The following ABCA13 variants were observed in gnomAD, a reference collection of about 807,000 sequenced individuals.
ABCA13 encodes ATP-binding cassette sub-family A member 13.
ABCA13 carries 476 observed loss-of-function variants against 478.7 expected under a neutral mutation model. The ratio of observed to expected loss-of-function variants is 0.99; its 90% CI spans 0.92 to 1.07. ABCA13 has a LOEUF of 1.07. ABCA13 is among the 50% of genes least tolerant of loss of function. The pLI is 0.00. For missense variants in ABCA13, 6,060 were observed against 5,910.6 expected (o/e 1.03, Z -0.83); for synonymous variants, 2,252 against 2,158.9 (o/e 1.04, Z -1.20).
At chr7:48,295,620 C>T (rs1799245489) in intron 20 of ABCA13, 80 bp from the exon 21 acceptor site, 1 of 1,548,976 alleles carries the variant, frequency 6.5e-7, no homozygotes, top group Non-Finnish European at 8.9e-7. Context: ...CTCTGTGTTT[C>T]CTGAGACTAA....
intron 42 of ABCA13, among the ~76,000 whole-genome samples, chr7:48,450,617 T>C (rs1824875101): frequency 6.6e-6 from 1 of 152,242 alleles, no homozygotes; most frequent in Admixed American, 6.5e-5. Flanking sequence ...ATTCTATATG[T>C]ATTACTTTGC....
intron 50 of ABCA13, among the ~76,000 whole-genome samples, chr7:48,510,330 T>C (rs1328617439): frequency 6.6e-6 from 1 of 151,976 alleles, no homozygotes; most frequent in African/African-American, 2.4e-5. Context: ...CAGGAAGAGG[T>C]CTGCAGCTTG....
rs147261589 is a variant in ABCA13, at chr7:48,530,179, A to C, written c.14354+1834A>C. On this transcript the variant is annotated intron_variant, in intron 55 of 61. Coordinates refer to ENST00000435803, the MANE Select transcript of ABCA13 (RefSeq NM_152701.5). ...CTTAACTTACAATTATAGTGAGAACATAAGAATGCTTGGTTTTTCATTCCT... is the reference window on the plus strand; with the variant it reads ...CTTAACTTACAATTATAGTGAGAACCTAAGAATGCTTGGTTTTTCATTCCT... Among the ~76,000 whole-genome samples, 399 of 152,234 alleles carry C rather than the reference A, an allele frequency of 2.6e-3. 3 individuals carry two copies. Among genetic ancestry groups the C allele is most frequent in the African/African-American group, 9.3e-3 (387 of 41,558 alleles).
chr7:48,333,150 G>A (rs557492768), intron 27 of ABCA13, among the ~76,000 whole-genome samples: 2 of 152,152 alleles, frequency 1.3e-5, no homozygotes, highest in Admixed American at 1.3e-4. Context: ...CTTTCTCCCT[G>A]TTGCACAGAT....
chr7:48,605,133 A>C (rs761314627), intron 58 of ABCA13, among the ~76,000 whole-genome samples: 3 of 152,132 alleles, frequency 2.0e-5, no homozygotes, highest in African/African-American at 7.2e-5. Flanking sequence ...TTTGTACATG[A>C]GATGGGTCTC....
At chr7:48,208,306 T>C (rs1290783704) in intron 3 of ABCA13, among the ~76,000 whole-genome samples, 1 of 152,100 alleles carries the variant, frequency 6.6e-6, no homozygotes, top group African/African-American at 2.4e-5. Context: ...ATTTTAGGAT[T>C]TTAAAAAATG....
intron 55 of ABCA13, among the ~76,000 whole-genome samples, chr7:48,529,439 C>T (rs1000455851): frequency 3.3e-5 from 5 of 152,120 alleles, no homozygotes; most frequent in African/African-American, 1.2e-4. Flanking sequence ...CTACAGCAAA[C>T]TCATGGTAAC....
At chr7:48,320,668 G>T (rs982413923) in intron 27 of ABCA13, among the ~76,000 whole-genome samples, 20 of 151,496 alleles carry the variant, frequency 1.3e-4, no homozygotes, top group Middle Eastern at 3.4e-3. Flanking sequence ...ACAGAAAAAA[G>T]AATTATATTG....
rs1477323689 is a variant in ABCA13, at chr7:48,278,800, A to G, written c.7606A>G (p.Met2536Val). ...GCTGGTCAAGAAAGTTTCGGGGAAG[A>G]TGTCCACAGTTTTTAAAACTCATTT... ...LKLVKKVSGK[M>V]STVFKTHFIS... The change falls in exon 18 of 62, where the codon ATG (methionine) becomes GTG (valine). Residue 2536 changes from methionine (M) to valine (V), a missense_variant. Physicochemically the swap from Met to Val is conservative, Grantham distance 21. Transcript: ENST00000435803. The G allele has an allele frequency of 1.9e-6, 3 of 1,613,934 alleles. No individual in the cohort carries two copies. Among genetic ancestry groups the G allele is most frequent in the Non-Finnish European group, 2.5e-6 (3 of 1,179,890 alleles).
intron 55 of ABCA13, among the ~76,000 whole-genome samples, chr7:48,545,752 GA>G (rs11414680): frequency 3.4e-5 from 5 of 147,616 alleles, no homozygotes; most frequent in Admixed American, 1.4e-4. Flanking sequence ...GAATAGATTT[GA>G]AAAAAAAAGT....
At chr7:48,450,058 C>A (rs2129181917) in intron 42 of ABCA13, among the ~76,000 whole-genome samples, 1 of 152,320 alleles carries the variant, frequency 6.6e-6, no homozygotes, top group East Asian at 1.9e-4. Context: ...CCAAGAACTT[C>A]TCGAAACCCT....
chr7:48,538,330 ACCTC>A, intron 55 of ABCA13, among the ~76,000 whole-genome samples: 1 of 151,882 alleles, frequency 6.6e-6, no homozygotes, highest in Non-Finnish European at 1.5e-5. Context: ...CGAACTGCTG[ACCTC>A]AGGTGATCCA....
Position 48,540,564 on chromosome 7 carries a change from T to C in ABCA13, c.14354+12219T>C, listed in dbSNP as rs572268284. Reference sequence around the variant, plus strand: ...ATGGAATTTTTCACTACTTAGAGAGTTGAAATGTACCTTCCTGCCCATGAA... The same window carrying C: ...ATGGAATTTTTCACTACTTAGAGAGCTGAAATGTACCTTCCTGCCCATGAA... On this transcript the variant is annotated intron_variant, in intron 55 of 61. Transcript: ENST00000435803. Among the ~76,000 whole-genome samples, 61 of 152,186 alleles carry C rather than the reference T, an allele frequency of 4.0e-4. 1 individual carries two copies. The highest frequency in any genetic ancestry group is 1.2e-3 in the African/African-American group (51 of 41,542).
chr7:48,444,560 G>C (rs1370588985), intron 42 of ABCA13, among the ~76,000 whole-genome samples: 3 of 152,090 alleles, frequency 2.0e-5, no homozygotes, highest in Non-Finnish European at 4.4e-5. Context: ...CTCACCTCCT[G>C]CTTCATCCTG....
intron 55 of ABCA13, among the ~76,000 whole-genome samples, chr7:48,575,684 A>C (rs1054747997): frequency 2.8e-5 from 4 of 142,656 alleles, no homozygotes; most frequent in Admixed American, 2.1e-4. Flanking sequence ...GTGGAACATG[A>C]AAAAATGAAA....
At chr7:48,237,911 A>G (rs1163148851) in intron 8 of ABCA13, among the ~76,000 whole-genome samples, 5 of 152,176 alleles carry the variant, frequency 3.3e-5, no homozygotes, top group African/African-American at 1.2e-4. Context: ...TCTATCTAAC[A>G]TGATACATGG....
chr7:48,237,411 A>G (rs1272396044), intron 8 of ABCA13, among the ~76,000 whole-genome samples: 1 of 152,216 alleles, frequency 6.6e-6, no homozygotes, highest in Non-Finnish European at 1.5e-5. Flanking sequence ...AGGGACTACT[A>G]TCAACCTTGC....
chr7:48,592,843 A>C (rs1789893559), intron 57 of ABCA13, among the ~76,000 whole-genome samples: 1 of 151,726 alleles, frequency 6.6e-6, no homozygotes, highest in Admixed American at 6.6e-5. Context: ...CTCTTTTTAC[A>C]GTTTTTGACT....
chr7:48,603,701 CT>C, intron 58 of ABCA13: 1 of 194,162 alleles, frequency 5.2e-6, no homozygotes, highest in Non-Finnish European at 1.1e-5. Context: ...TTTTTTTGTT[CT>C]TTTTCTGCCA....
Sources: allele counts gnomAD v4.1 joint callset (sites outside exome capture counted in the v4.1 genomes callset), GRCh38; gene constraint gnomAD v4.1.1; transcripts MANE v1.5; gene names NCBI Gene and HGNC (gene_info 2026-07-23, HGNC 2026-07-21).